FAF1: variants seen among roughly 807,000 people sequenced by gnomAD.
FAF1 encodes the protein FAS-associated factor 1.
FAF1 carries 25 observed loss-of-function variants against 92.5 expected under a neutral mutation model. The ratio of observed to expected loss-of-function variants is 0.27; its 90% confidence interval spans 0.20 to 0.38. The LOEUF (loss-of-function observed/expected upper bound fraction) is 0.38, where lower values mean the gene tolerates loss of function less well. Ranked by LOEUF, FAF1 falls within the 10% of genes least tolerant of loss-of-function variation. FAF1 has a pLI of 1.00. For synonymous variants in FAF1, 234 were observed against 273.2 expected (o/e 0.86, Z 1.42); for missense variants, 636 against 793.3 (o/e 0.80, Z 2.38).
intron 8 of FAF1, among the ~76,000 whole-genome samples, chr1:50,637,645 G>A (rs1024617615): frequency 6.7e-5 from 10 of 149,412 alleles, no homozygotes; most frequent in Non-Finnish European, 1.3e-4. Context: ...TGTAGGCCAG[G>A]CTCTGTGACT....
chr1:50,719,475 A>T (rs1053435983), intron 6 of FAF1, among the ~76,000 whole-genome samples: 3 of 152,248 alleles, frequency 2.0e-5, no homozygotes, highest in South Asian at 2.1e-4. Context: ...AATTTCTAAT[A>T]ACATTTTTCA....
chr1:50,719,598 TGTG>T (rs1456026669), intron 6 of FAF1, among the ~76,000 whole-genome samples: 15 of 152,176 alleles, frequency 9.9e-5, no homozygotes, highest in Admixed American at 6.5e-5. Context: ...TTAATCAAAA[TGTG>T]GTAATTAGTG....
chr1:50,859,276 G>A (rs1644413732), intron 1 of FAF1, among the ~76,000 whole-genome samples: 1 of 151,716 alleles, frequency 6.6e-6, no homozygotes, highest in South Asian at 2.1e-4. Context: ...AATCAACCAA[G>A]AGAAAGAAAT....
At chr1:50,616,692 T>C (rs1309980522) in intron 8 of FAF1, among the ~76,000 whole-genome samples, 1 of 151,834 alleles carries the variant, frequency 6.6e-6, no homozygotes, top group Non-Finnish European at 1.5e-5. Context: ...TTTTTTTTTT[T>C]TTTTTTGAGA....
At chr1:50,700,371 A>T (rs543391845) in intron 7 of FAF1, among the ~76,000 whole-genome samples, 33 of 152,002 alleles carry the variant, frequency 2.2e-4, no homozygotes, top group Non-Finnish European at 4.1e-4. Context: ...GGCCTTTGTA[A>T]TTCTAGTAAA....
chr1:50,729,056 A>ATTTTTTTTT (rs1481654972), intron 6 of FAF1, among the ~76,000 whole-genome samples: 2 of 105,810 alleles, frequency 1.9e-5, no homozygotes, highest in African/African-American at 9.0e-5. Flanking sequence ...ATATATATAT[A>ATTTTTTTTT]TATTTTTTTT....
intron 2 of FAF1, among the ~76,000 whole-genome samples, chr1:50,851,271 G>A (rs1231466613): frequency 6.6e-6 from 1 of 152,024 alleles, no homozygotes; most frequent in Non-Finnish European, 1.5e-5. Flanking sequence ...TGGTAGAGAC[G>A]AGGTTTTGCC....
chr1:50,934,858 T>C (rs1453917871), intron 1 of FAF1, among the ~76,000 whole-genome samples: 1 of 152,254 alleles, frequency 6.6e-6, no homozygotes, highest in Non-Finnish European at 1.5e-5. Flanking sequence ...ATCCTCTGTA[T>C]TCCACTGTTT....
chr1:50,754,119 C>T (rs1376738489), intron 4 of FAF1, among the ~76,000 whole-genome samples: 1 of 152,116 alleles, frequency 6.6e-6, no homozygotes, highest in Non-Finnish European at 1.5e-5. Flanking sequence ...TTTCTCTCCT[C>T]ATTATGGGCC....
intron 12 of FAF1, among the ~76,000 whole-genome samples, chr1:50,575,915 C>T (rs1650710588): frequency 6.6e-6 from 1 of 152,150 alleles, no homozygotes; most frequent in Admixed American, 6.5e-5. Flanking sequence ...TTTCTTTCAA[C>T]ACGAAGCAGT....
intron 8 of FAF1, among the ~76,000 whole-genome samples, chr1:50,623,938 A>G (rs1653334242): frequency 6.6e-6 from 1 of 150,992 alleles, no homozygotes; most frequent in South Asian, 2.1e-4. Context: ...ACCCTGTCTC[A>G]AAAAAAAACA....
intron 8 of FAF1, among the ~76,000 whole-genome samples, chr1:50,641,599 G>A (rs1654331819): frequency 6.6e-6 from 1 of 152,134 alleles, no homozygotes; most frequent in African/African-American, 2.4e-5. Flanking sequence ...TTATGGTCCA[G>A]GTTATAGTCT....
intron 18 of FAF1, chr1:50,452,259 T>G: frequency 1.2e-6 from 1 of 814,488 alleles, no homozygotes; most frequent in Non-Finnish European, 1.8e-6. Flanking sequence ...GCAAGCTCAT[T>G]GCCCCTGAAA....
chr1:50,800,737 T>A (rs927837041), intron 3 of FAF1, among the ~76,000 whole-genome samples: 4 of 152,240 alleles, frequency 2.6e-5, no homozygotes, highest in African/African-American at 4.8e-5. Flanking sequence ...AACTTCCTGA[T>A]GTTTCTGCAA....
At chr1:50,604,599 C>G (rs947702877) in intron 8 of FAF1, among the ~76,000 whole-genome samples, 2 of 152,198 alleles carry the variant, frequency 1.3e-5, no homozygotes, top group African/African-American at 4.8e-5. Context: ...CCTCGATCTC[C>G]CAGCATCAAG....
chr1:50,890,321 C>T (rs1477685855), intron 1 of FAF1, among the ~76,000 whole-genome samples: 6 of 152,102 alleles, frequency 3.9e-5, no homozygotes, highest in Non-Finnish European at 7.4e-5. Context: ...ATCCAATTTG[C>T]CAGTCTGTGT....
chr1:50,910,725 T>C (rs948778480), intron 1 of FAF1, among the ~76,000 whole-genome samples: 8 of 151,582 alleles, frequency 5.3e-5, no homozygotes, highest in Non-Finnish European at 1.0e-4. Flanking sequence ...GCTAAGACCA[T>C]TGGAAAAGCG....
At chr1:50,613,078 A>C (rs1652752817) in intron 8 of FAF1, among the ~76,000 whole-genome samples, 1 of 152,216 alleles carries the variant, frequency 6.6e-6, no homozygotes. Context: ...TTATATGGGT[A>C]CTTTTCCTAC....
chr1:50,957,371 AGACAGAG>A (rs140866275), intron 1 of FAF1, among the ~76,000 whole-genome samples: 39,421 of 94,620 alleles, frequency 0.42, 5,903 homozygotes, highest in Middle Eastern at 0.67. Context: ...TTTTTTTTTG[AGACAGAG>A]TCTCGCTCTG....
Sources: allele counts gnomAD v4.1 joint callset (sites outside exome capture counted in the v4.1 genomes callset), GRCh38; gene constraint gnomAD v4.1.1; transcripts MANE v1.5; gene names NCBI Gene and HGNC (gene_info 2026-07-23, HGNC 2026-07-21).